CERKL: variants seen among roughly 807,000 people sequenced by gnomAD.
The protein encoded by CERKL is ceramide kinase-like protein.
CERKL carries 61 observed loss-of-function variants against 63.4 expected under a neutral mutation model. The ratio of observed to expected loss-of-function variants is 0.96; its 90% CI spans 0.78 to 1.19. The LOEUF (loss-of-function observed/expected upper bound fraction) is 1.19, where lower values mean the gene tolerates loss of function less well. Ranked by LOEUF, CERKL falls within the 50% of genes most tolerant of loss-of-function variation. The pLI is 0.00. For missense variants in CERKL, 675 were observed against 655.5 expected, an observed-to-expected ratio of 1.03 and a Z score of -0.33; for synonymous variants, 250 against 230.5, an observed-to-expected ratio of 1.08 and a Z score of -0.77.
At chr2:181,541,872 G>C (rs1391103850) in intron 11 of CERKL, among the ~76,000 whole-genome samples, 1 of 152,202 alleles carries the variant, frequency 6.6e-6, no homozygotes, top group Non-Finnish European at 1.5e-5. Context: ...AACTTTAGGG[G>C]AAAAGATAAG....
chr2:181,633,308 A>C (rs1687043470), intron 1 of CERKL, among the ~76,000 whole-genome samples: 1 of 152,246 alleles, frequency 6.6e-6, no homozygotes, highest in African/African-American at 2.4e-5. Flanking sequence ...TGACTGAATG[A>C]GCACGGAGAT....
chr2:181,653,347 T>C (rs995882936), intron 1 of CERKL, among the ~76,000 whole-genome samples: 17 of 152,190 alleles, frequency 1.1e-4, no homozygotes, highest in Non-Finnish European at 2.1e-4. Context: ...GAAAACAGCA[T>C]GGAAGTTCCT....
At chr2:181,639,410 T>C (rs927731023) in intron 1 of CERKL, among the ~76,000 whole-genome samples, 1 of 152,296 alleles carries the variant, frequency 6.6e-6, no homozygotes, top group African/African-American at 2.4e-5. Flanking sequence ...CATTTGGGTA[T>C]GTTTGGTGGT....
intron 2 of CERKL, among the ~76,000 whole-genome samples, chr2:181,587,752 C>T (rs1487059303): frequency 6.6e-6 from 1 of 151,978 alleles, no homozygotes; most frequent in Non-Finnish European, 1.5e-5. Flanking sequence ...TATTAGAGAA[C>T]ACTTTTATGA....
intron 2 of CERKL, among the ~76,000 whole-genome samples, chr2:181,582,222 A>C (rs1428069513): frequency 6.6e-6 from 1 of 151,994 alleles, no homozygotes; most frequent in East Asian, 1.9e-4. Flanking sequence ...ATGGGGGAAT[A>C]CTCTTGAGTG....
intron 1 of CERKL, among the ~76,000 whole-genome samples, chr2:181,627,444 T>G (rs1468696502): frequency 6.6e-6 from 1 of 152,238 alleles, no homozygotes; most frequent in Non-Finnish European, 1.5e-5. Context: ...TTGCCTCATG[T>G]GATGCTGCTA....
At chr2:181,552,533 A>T (rs192977066) in intron 5 of CERKL, among the ~76,000 whole-genome samples, 3 of 152,150 alleles carry the variant, frequency 2.0e-5, no homozygotes, top group African/African-American at 7.2e-5. Context: ...CTCCCCAGCC[A>T]TGCTGAACTG....
In CERKL at chr2:181,566,071, G is replaced by A. The variant is rs765891262; in HGVS notation, c.664C>T (p.Gln222Ter). 6.2e-7 allele frequency: 1 copy of A among 1,606,526 alleles called. No individual in the cohort carries two copies. The highest frequency in any genetic ancestry group is 8.5e-7 in the Non-Finnish European group (1 of 1,173,768). Residue 222 changes from glutamine (Q) to a stop codon, truncating the protein, a stop_gained, in exon 4 of 13, where the codon CAG becomes TAG. Coordinates refer to ENST00000410087, the MANE Select transcript of CERKL (RefSeq NM_201548.5). LOFTEE classifies it high-confidence loss of function. ...AATATAACCTACCCATCAAATCCCT[G>A]GAGTTCACATTCCTTAAGCAGTGAC... is the stretch of plus-strand genomic sequence containing the variant. ...ALSLLKECEL[Q>*]GFDGVVCVGG...
rs747750656 is a variant in CERKL, at chr2:181,603,870, T to G, written c.448A>C (p.Ile150Leu). 4.1e-5 allele frequency: 66 copies of G among 1,613,352 alleles called. No homozygotes were observed. Among genetic ancestry groups the G allele is most frequent in the Non-Finnish European group, 5.0e-5 (59 of 1,179,496 alleles). Residue 150 changes from isoleucine (I) to leucine (L), a missense_variant, in exon 2 of 13, where the codon ATA (isoleucine) becomes CTA (leucine). Ile to Leu is a conservative substitution (Grantham distance 5, BLOSUM62 2). Coordinates refer to ENST00000410087, the MANE Select transcript of CERKL (RefSeq NM_201548.5). ...ATTTTCTTGAACTGTCTAAACCATA[T>G]GTCACAGTGGTCTTCACTTAAATTA... is the stretch of plus-strand genomic sequence containing the variant. ...LINLSEDHCD[I>L]WFRQFKKILA...
intron 4 of CERKL, among the ~76,000 whole-genome samples, chr2:181,560,413 G>A (rs984699616): frequency 5.9e-5 from 9 of 152,152 alleles, no homozygotes; most frequent in Non-Finnish European, 1.2e-4. Context: ...CTCCCTATGA[G>A]CATGTTCTGA....
chr2:181,649,766 A>AT (rs1687821835), intron 1 of CERKL: 1 of 152,268 alleles, frequency 6.6e-6, no homozygotes, highest in Non-Finnish European at 1.5e-5. Flanking sequence ...GCAGTGGCTC[A>AT]TGGCTGTAAT....
At chr2:181,636,782 A>G (rs1400385268) in intron 1 of CERKL, among the ~76,000 whole-genome samples, 1 of 152,186 alleles carries the variant, frequency 6.6e-6, no homozygotes, top group African/African-American at 2.4e-5. Context: ...ACCTCTCTGT[A>G]GCTTTTCCTG....
rs1212300179 is a variant in CERKL at position 181,578,939 on chromosome 2, G to C, written c.482-5055C>G. On this transcript the variant is annotated intron_variant, in intron 2 of 12. Transcript: ENST00000410087. The stretch of plus-strand genomic sequence containing the variant: ...CAAACTTCTGGAAGTAGAATCACTG[G>C]ATCAAAGAGTACGTACTCTTAAGGT... Among the ~76,000 whole-genome samples the C allele has an allele frequency of 2.6e-5, 4 of 151,888 alleles. 1 individual carries two copies. The highest frequency in any genetic ancestry group is 9.7e-5 in the African/African-American group (4 of 41,214).
In CERKL at chr2:181,537,946, G is replaced by T. The variant is rs933980816; in HGVS notation, c.*238C>A. The T allele has an allele frequency of 1.6e-5, 10 of 621,048 alleles. No individual in the cohort carries two copies. In the African/African-American group the frequency reaches 1.8e-4, roughly 11 times the overall value. 38.5% of individuals were successfully genotyped at this position (621,048 alleles called of 1,614,324 possible). On this transcript the variant is annotated 3_prime_UTR_variant, in exon 13 of 13. Transcript: ENST00000410087. ...AGCAGCATTAGATTCTCATAGAAGTGCGAACCATATGGTGAACTGGTATGT... is the reference window on the plus strand; with the variant it reads ...AGCAGCATTAGATTCTCATAGAAGTTCGAACCATATGGTGAACTGGTATGT...
At chr2:181,539,049 A>T (rs973563878) in intron 12 of CERKL, 43 bp downstream of exon 12, 1 of 1,264,786 alleles carries the variant, frequency 7.9e-7, no homozygotes, top group African/African-American at 2.1e-5. Flanking sequence ...TATTAGATTT[A>T]TGTTTACTGG....
At chr2:181,549,569 A>G in intron 6 of CERKL, 65 bp downstream of exon 6, 2 of 1,200,946 alleles carry the variant, frequency 1.7e-6, no homozygotes, top group Non-Finnish European at 2.5e-6. Flanking sequence ...TGGAAATAAG[A>G]TGGCCTTCCT....
chr2:181,538,319 T>A lies in CERKL; in HGVS notation c.1539-75A>T. 3 of 806,704 alleles carry A rather than the reference T, an allele frequency of 3.7e-6. 1 individual carries two copies. In the South Asian group the frequency reaches 4.5e-5, roughly 12 times the overall value. 50.0% of individuals were successfully genotyped at this position (806,704 alleles called of 1,614,324 possible). A position where few individuals can be genotyped will look rare whatever the true frequency, so the allele number is the denominator to read the frequency against. ...TACACCTAATAAGTATGGTACACAA[T>A]GCCAATGCCAAATACAAATTGATAA... On this transcript the variant is annotated intron_variant, in intron 12 of 12. Transcript: ENST00000410087.
chr2:181,563,750 G>C (rs142068494), intron 4 of CERKL, among the ~76,000 whole-genome samples: 6 of 152,140 alleles, frequency 3.9e-5, no homozygotes, highest in African/African-American at 1.4e-4. Context: ...TTGTTCCTTT[G>C]AAGTACCTGA....
At chr2:181,570,493 G>A (rs1688857854) in intron 3 of CERKL, among the ~76,000 whole-genome samples, 1 of 152,124 alleles carries the variant, frequency 6.6e-6, no homozygotes, top group South Asian at 2.1e-4. Context: ...ATGCCAGCAT[G>A]GGCTTATCGT....
Sources: gnomAD v4.1 joint callset for allele counts (sites outside exome capture counted in the v4.1 genomes callset) on GRCh38, gnomAD v4.1.1 for gene constraint, MANE v1.5 for transcripts, NCBI Gene and HGNC (gene_info 2026-07-23, HGNC 2026-07-21) for gene names.